The following NRG1 variants were observed in gnomAD, a reference collection of about 807,000 sequenced individuals.
NRG1 encodes the protein neuregulin 1.
A neutral mutation model predicts 63.8 loss-of-function variants in NRG1; 18 were observed. The ratio of observed to expected loss-of-function variants is 0.28; its 90% CI spans 0.19 to 0.42. NRG1 has a LOEUF of 0.42. NRG1 is among the 10% of genes least tolerant of loss of function. NRG1 has a pLI of 1.00. For synonymous variants in NRG1, 302 were observed against 301.3 expected (o/e 1.00, Z -0.02); for missense variants, 762 against 814.7 (o/e 0.94, Z 0.79).
intron 1 of NRG1, among the ~76,000 whole-genome samples, chr8:32,099,170 T>C (rs1169875547): frequency 6.6e-6 from 1 of 152,158 alleles, no homozygotes; most frequent in Admixed American, 6.5e-5. Flanking sequence ...GCGCTTGTGC[T>C]GGGGAGGGCT....
chr8:32,661,085 A>G (rs1802738414), intron 5 of NRG1, among the ~76,000 whole-genome samples: 1 of 152,210 alleles, frequency 6.6e-6, no homozygotes, highest in Admixed American at 6.5e-5. Flanking sequence ...ATAATCATCA[A>G]TCTACCTGTC....
chr8:32,562,034 G>A (rs1359163369), intron 1 of NRG1, among the ~76,000 whole-genome samples: 1 of 152,114 alleles, frequency 6.6e-6, no homozygotes, highest in Admixed American at 6.6e-5. Context: ...CCCATTTATG[G>A]GAAGAATGCC....
intron 1 of NRG1, among the ~76,000 whole-genome samples, chr8:32,222,346 T>C (rs1007526514): frequency 1.1e-4 from 17 of 152,196 alleles, no homozygotes; most frequent in Admixed American, 5.9e-4. Flanking sequence ...TCTCTGCCTC[T>C]TATGAATGAC....
intron 1 of NRG1, among the ~76,000 whole-genome samples, chr8:32,259,533 C>T (rs1850125850): frequency 6.6e-6 from 1 of 152,152 alleles, no homozygotes; most frequent in African/African-American, 2.4e-5. Flanking sequence ...AATAACTTCT[C>T]TTCTTTATAA....
intron 1 of NRG1, among the ~76,000 whole-genome samples, chr8:32,372,621 TA>T (rs1410579511): frequency 6.6e-6 from 1 of 152,138 alleles, no homozygotes; most frequent in East Asian, 1.9e-4. Context: ...CACAACAGTC[TA>T]AAAAGTTTTA....
At chr8:32,692,942 A>G (rs1215344482) in intron 5 of NRG1, among the ~76,000 whole-genome samples, 3 of 152,194 alleles carry the variant, frequency 2.0e-5, no homozygotes, top group Admixed American at 1.3e-4. Flanking sequence ...AAAAGGACAC[A>G]TTACTACACT....
chr8:32,497,918 G>T (rs974838187), intron 1 of NRG1, among the ~76,000 whole-genome samples: 1 of 152,124 alleles, frequency 6.6e-6, no homozygotes, highest in African/African-American at 2.4e-5. Flanking sequence ...CCCCTTCCCG[G>T]GTTCAAGTGA....
At chr8:32,622,984 A>C (rs187033615) in intron 5 of NRG1, among the ~76,000 whole-genome samples, 1 of 152,372 alleles carries the variant, frequency 6.6e-6, no homozygotes, top group Admixed American at 6.5e-5. Flanking sequence ...GTTCTTTGCC[A>C]GGAAATCACT....
At chr8:32,160,419 T>G (rs1387997623) in intron 1 of NRG1, among the ~76,000 whole-genome samples, 1 of 152,230 alleles carries the variant, frequency 6.6e-6, no homozygotes, top group Non-Finnish European at 1.5e-5. Context: ...GTTGTTATTT[T>G]CATTCTTCAG....
chr8:31,756,710 C>A (rs184889942), intron 1 of NRG1, among the ~76,000 whole-genome samples: 27 of 152,214 alleles, frequency 1.8e-4, no homozygotes, highest in African/African-American at 5.1e-4. Flanking sequence ...AAGGATTAAT[C>A]AAAAATGTTA....
At chr8:32,158,640 A>G (rs1047337702) in intron 1 of NRG1, among the ~76,000 whole-genome samples, 28 of 151,544 alleles carry the variant, frequency 1.8e-4, no homozygotes, top group African/African-American at 6.5e-4. Context: ...AAACACATAC[A>G]TACACACTAT....
intron 1 of NRG1, among the ~76,000 whole-genome samples, chr8:32,289,355 T>G (rs904803921): frequency 2.0e-5 from 3 of 152,036 alleles, no homozygotes; most frequent in Admixed American, 1.3e-4. Context: ...TCCTCAGGAA[T>G]AGGATTCTTG....
chr8:32,294,610 A>G (rs1264126240), intron 1 of NRG1, among the ~76,000 whole-genome samples: 4 of 152,048 alleles, frequency 2.6e-5, no homozygotes, highest in Non-Finnish European at 5.9e-5. Context: ...ATCATTATCC[A>G]CTCATAATTA....
intron 1 of NRG1, among the ~76,000 whole-genome samples, chr8:31,958,522 C>A (rs1231097772): frequency 6.6e-6 from 1 of 152,058 alleles, no homozygotes; most frequent in Non-Finnish European, 1.5e-5. Flanking sequence ...GAGACAAAGA[C>A]CAGCATAAAC....
At chr8:32,112,145 T>C (rs1033437777) in intron 1 of NRG1, among the ~76,000 whole-genome samples, 5 of 152,240 alleles carry the variant, frequency 3.3e-5, no homozygotes, top group African/African-American at 1.2e-4. Flanking sequence ...TGAGAAACTC[T>C]ATGTAACAGC....
intron 7 of NRG1, among the ~76,000 whole-genome samples, chr8:32,747,306 G>A (rs1827635170): frequency 6.6e-6 from 1 of 151,942 alleles, no homozygotes. Context: ...ATTACTGACT[G>A]GTAGGAGAAA....
chr8:32,578,475 T>C (rs894785761), intron 1 of NRG1, among the ~76,000 whole-genome samples: 5 of 152,158 alleles, frequency 3.3e-5, no homozygotes, highest in Non-Finnish European at 5.9e-5. Flanking sequence ...TCCTCCTTTT[T>C]TTTTTTTGTC....
intron 1 of NRG1, among the ~76,000 whole-genome samples, chr8:31,742,314 T>G (rs772701304): frequency 2.0e-4 from 30 of 151,942 alleles, no homozygotes; most frequent in Non-Finnish European, 3.7e-4. Flanking sequence ...TTTCTCAGTC[T>G]GATAGTAGAA....
chr8:32,570,805 A>C (rs575363697), intron 1 of NRG1, among the ~76,000 whole-genome samples: 1 of 152,326 alleles, frequency 6.6e-6, no homozygotes, highest in East Asian at 1.9e-4. Flanking sequence ...TGGATATTTT[A>C]GGTAATCAAT....
Sources: allele counts gnomAD v4.1 joint callset (sites outside exome capture counted in the v4.1 genomes callset), GRCh38; gene constraint gnomAD v4.1.1; transcripts MANE v1.5; gene names NCBI Gene and HGNC (gene_info 2026-07-23, HGNC 2026-07-21).